The following DNAH1 variants were observed in gnomAD, a reference collection of about 807,000 sequenced individuals.
DNAH1 encodes the protein dynein axonemal heavy chain 1, also known as axonemal beta dynein heavy chain 1.
Under a neutral mutation model 484.3 loss-of-function variants are expected in DNAH1, and 327 were observed. The ratio of observed to expected loss-of-function variants is 0.68; its 90% confidence interval spans 0.62 to 0.74. The LOEUF (loss-of-function observed/expected upper bound fraction) is 0.74. Ranked by LOEUF, DNAH1 falls within the 30% of genes least tolerant of loss-of-function variation. The pLI, the probability that DNAH1 is intolerant of heterozygous loss-of-function variation, is 0.00. For synonymous variants in DNAH1, 2,192 were observed against 2,191.9 expected, an observed-to-expected ratio of 1.00 and a Z score of 0.00; for missense variants, 5,052 against 5,546.8, an observed-to-expected ratio of 0.91 and a Z score of 2.83.
At chr3:52,373,154 C>G (rs987539006) in intron 44 of DNAH1, 101 bp downstream of exon 44, 2 of 1,235,170 alleles carry the variant, frequency 1.6e-6, no homozygotes, top group Admixed American at 3.5e-5. Context: ...AAGGCACCCA[C>G]AAAAATGTTT....
rs61734654 is a variant in DNAH1, at chr3:52,346,604, C to T, written c.1789C>T (p.Arg597Cys). 2.7e-3 allele frequency: 4,344 copies of T among 1,614,044 alleles called. 111 individuals are homozygous for T. The African/African-American group carries it at 0.053, about 20-fold the overall frequency. The part of the protein sequence containing the change: ...NWEVYLMSKL[R>C]KLMELVKYML... ...GGAGGTGTACCTCATGTCCAAGCTG[C>T]GCAAGCTGATGGAGCTGGTGAAGTA... Residue 597 changes from arginine to cysteine, a missense_variant, in exon 11 of 78, where the codon CGC (arginine) becomes TGC (cysteine). Arg to Cys is a radical substitution (Grantham distance 180). This residue lies in a region of DNAH1 where 1,263 missense variants were observed against 1,218.8 expected (regional missense o/e 1.04). Coordinates refer to ENST00000420323, the MANE Select transcript of DNAH1 (RefSeq NM_015512.5).
At chr3:52,315,035 T>A (rs1055706066), upstream of DNAH1, among the ~76,000 whole-genome samples, 1 of 152,172 alleles carries the variant, frequency 6.6e-6, no homozygotes, top group Non-Finnish European at 1.5e-5. Context: ...TTTTCTCCAT[T>A]TTTATTCATC....
intron 75 of DNAH1, 37 bp downstream of exon 75, chr3:52,398,199 G>A: frequency 6.3e-7 from 1 of 1,577,514 alleles, no homozygotes. Context: ...CGAGTCAGCG[G>A]CCACTGGACT....
In DNAH1 at chr3:52,375,388, C is replaced by T. The variant is rs2153224917; in HGVS notation, c.7134C>T (p.Phe2378=). Residue 2378 remains phenylalanine (F), a synonymous_variant, in exon 45 of 78, where the codon TTC becomes TTT. Transcript: ENST00000420323. ...EMDEVSKKRI[F]STILGNWLDG... is the part of the protein sequence containing the mutation. ...ACGAGGTCAGCAAGAAACGCATCTT[C>T]TCCACCATCCTGGGCAACTGGTTGG... 1 of 1,613,612 alleles carries T rather than the reference C, an allele frequency of 6.2e-7. No individual in the cohort carries two copies. The highest frequency in any genetic ancestry group is 8.5e-7 in the Non-Finnish European group (1 of 1,179,778).
At position 52,396,430 on chromosome 3, in the gene DNAH1, C is replaced by G; in HGVS notation, c.11322C>G (p.Ile3774Met). Residue 3774 changes from isoleucine to methionine, a missense_variant, in exon 71 of 78, where the codon ATC (isoleucine) becomes ATG (methionine). Transcript: ENST00000420323. The stretch of plus-strand genomic sequence containing the variant: ...CCAGCAACAAGTTCCCAGTGTCCAT[C>G]CTGCAGAACGGCTCCAAGATGACCA... ...SLPSNKFPVSILQNGSKMTIE... is the reference protein window; with the variant it reads ...SLPSNKFPVSMLQNGSKMTIE... The G allele has an allele frequency of 6.3e-7, 1 of 1,592,404 alleles. No individual in the cohort carries two copies. The highest frequency in any genetic ancestry group is 8.5e-7 in the Non-Finnish European group (1 of 1,169,806).
chr3:52,353,248 T>A lies in DNAH1; in HGVS notation c.3173T>A (p.Val1058Asp). The change falls in exon 19 of 78, where the codon GTT becomes GAT. Residue 1058 changes from valine to aspartate, a missense_variant. Val to Asp is a radical substitution (Grantham distance 152). Around this residue, in one of 4 missense-constraint regions of DNAH1, gnomAD observed 2,929 missense variants for 3,409.4 expected, o/e 0.86. Transcript: ENST00000420323. This position sits in a 1 kb window ranked among gnomAD's most constrained non-coding sequence, Gnocchi z 5.0. ...GCTGAGCAGCTGGAGAAGAACGTGG[T>A]TGAAGCCTTCAAGACCATGCACAAG... ...IDAEQLEKNV[V>D]EAFKTMHKCV... is the part of the protein sequence containing the mutation. 1 of 1,613,968 alleles carries A rather than the reference T, an allele frequency of 6.2e-7. No homozygotes were observed. The highest frequency in any genetic ancestry group is 8.5e-7 in the Non-Finnish European group (1 of 1,179,896).
intron 55 of DNAH1, 118 bp from the exon 56 acceptor site, chr3:52,386,544 A>T (rs959472659): frequency 2.3e-6 from 3 of 1,296,774 alleles, no homozygotes; most frequent in African/African-American, 3.0e-5. Flanking sequence ...ATCTCTGGAT[A>T]TGCCCGTGTC....
intron 43 of DNAH1, 146 bp from the exon 44 acceptor site, chr3:52,372,750 G>A (rs964120308): frequency 2.8e-6 from 3 of 1,074,524 alleles, no homozygotes; most frequent in African/African-American, 1.6e-5. Flanking sequence ...GAACAAGGAT[G>A]AGGGTGGGTC....
intron 3 of DNAH1, among the ~76,000 whole-genome samples, chr3:52,324,618 A>G (rs1249566153): frequency 2.0e-5 from 3 of 151,720 alleles, no homozygotes; most frequent in African/African-American, 7.3e-5. Context: ...TGTCCACACC[A>G]GTCCTCTTGG....
At chr3:52,321,662 T>C (rs1308844639) in intron 1 of DNAH1, 1 of 152,206 alleles carries the variant, frequency 6.6e-6, no homozygotes, top group African/African-American at 2.4e-5. Context: ...TGGATGTGCA[T>C]GCACCCTGGC....
Position 52,379,817 on chromosome 3 carries a change from TG to T in DNAH1, c.7378-84del. On this transcript the variant is annotated intron_variant, in intron 47 of 77. Coordinates refer to ENST00000420323, the MANE Select transcript of DNAH1 (RefSeq NM_015512.5). This position sits in a 1 kb window ranked among gnomAD's most constrained non-coding sequence, Gnocchi z 4.4. ...AGGCTCCAGTCAGGGCCCCAGGAAC[TG>T]GGGCCCACCCTCCCTTGCCTGGTGG... The T allele has an allele frequency of 1.6e-6, 2 of 1,218,740 alleles. No homozygotes were observed. The highest frequency in any genetic ancestry group is 2.3e-6 in the Non-Finnish European group (2 of 882,502). The allele number at this position is 1,218,740 out of a possible 1,614,324, so 75.5% of individuals were successfully genotyped here.
chr3:52,358,847 C>T lies in DNAH1; in HGVS notation c.4266+110C>T. On this transcript the variant is annotated intron_variant, in intron 25 of 77. Coordinates refer to ENST00000420323, the MANE Select transcript of DNAH1 (RefSeq NM_015512.5). The surrounding 1 kb of genome is among the most constrained non-coding windows in gnomAD (Gnocchi z 4.2). ...TCCTCAGGCTGCAGCCCTGAGGTCC[C>T]TGGGGGCTCAGGCGGGATTCTGGAG... 2 of 1,332,916 alleles carry T rather than the reference C, an allele frequency of 1.5e-6. No individual in the cohort carries two copies. Among genetic ancestry groups the T allele is most frequent in the Non-Finnish European group, 2.1e-6 (2 of 967,440 alleles). 82.6% of individuals were successfully genotyped at this position (1,332,916 alleles called of 1,614,324 possible). A position where few individuals can be genotyped will look rare whatever the true frequency, so the allele number is the denominator to read the frequency against.
intron 8 of DNAH1, among the ~76,000 whole-genome samples, chr3:52,338,902 C>T (rs1425610972): frequency 6.7e-6 from 1 of 150,124 alleles, no homozygotes; most frequent in African/African-American, 2.4e-5. Context: ...GATGTGGTGG[C>T]AGGTGCCTGT....
chr3:52,396,145 G>A (rs1704613565), intron 70 of DNAH1, among the ~76,000 whole-genome samples: 1 of 152,104 alleles, frequency 6.6e-6, no homozygotes, highest in Admixed American at 6.5e-5. Context: ...ATGTTGGCCA[G>A]GCTGTTCTCA....
In DNAH1 at chr3:52,390,964, A is replaced by G; in HGVS notation, c.9651A>G (p.Ser3217=). ...CTGGCCTCCCCAACGACACACTGTCAGTGGAGAACGGGGTCATCAACCAGT... is the reference window on the plus strand; with the variant it reads ...CTGGCCTCCCCAACGACACACTGTCGGTGGAGAACGGGGTCATCAACCAGT... ...QIAGLPNDTL[S]VENGVINQFS... The change falls in exon 61 of 78, where the codon TCA becomes TCG. Residue 3217 remains serine, a synonymous_variant. Coordinates refer to ENST00000420323, the MANE Select transcript of DNAH1 (RefSeq NM_015512.5). 1 of 1,552,364 alleles carries G rather than the reference A, an allele frequency of 6.4e-7. No individual in the cohort carries two copies. Among genetic ancestry groups the G allele is most frequent in the Non-Finnish European group, 8.7e-7 (1 of 1,147,296 alleles).
rs1439161092 is a variant in DNAH1, at chr3:52,349,403, C to T, written c.2509C>T (p.His837Tyr). ...GCTGGACATCCTTGCCAAGAACCTG[C>T]ATAAGGAGGTGGATAGCGTAAGTGC... ...SVLDILAKNLHKEVDSICEEF... is the reference protein window; with the variant it reads ...SVLDILAKNLYKEVDSICEEF... Residue 837 changes from histidine to tyrosine, a missense_variant, in exon 14 of 78, where the codon CAT becomes TAT. By Grantham distance (83) the His-to-Tyr change is moderately conservative. This residue lies in a region of DNAH1 where 1,263 missense variants were observed against 1,218.8 expected (regional missense o/e 1.04). Transcript: ENST00000420323. 2 of 1,613,858 alleles carry T rather than the reference C, an allele frequency of 1.2e-6. No individual in the cohort carries two copies. The highest frequency in any genetic ancestry group is 3.3e-5 in the Admixed American group (2 of 60,032).
chr3:52,350,237 C>T, intron 15 of DNAH1, 129 bp downstream of exon 15: 1 of 1,356,182 alleles, frequency 7.4e-7, no homozygotes, highest in Middle Eastern at 2.5e-4. Context: ...GGACAGAGGA[C>T]AGATGGGGTT....
At position 52,388,818 on chromosome 3, in the gene DNAH1, C is replaced by T; in HGVS notation, c.9376C>T (p.Leu3126=). ...GCTGCCCCTCCAGCTCATCAACGGG[C>T]TGTCGGATGAGAAGGTGCGCTGGCA... ...LGRAGKLING[L]SDEKVRWQET... The change falls in exon 59 of 78, where the codon CTG becomes TTG. Residue 3126 remains leucine (L), a synonymous_variant. Coordinates refer to ENST00000420323, the MANE Select transcript of DNAH1 (RefSeq NM_015512.5). 1 of 1,613,580 alleles carries T rather than the reference C, an allele frequency of 6.2e-7. No homozygotes were observed. The highest frequency in any genetic ancestry group is 1.3e-5 in the African/African-American group (1 of 75,070).
chr3:52,386,550 G>A (rs879167860), intron 55 of DNAH1, 112 bp from the exon 56 acceptor site: 4 of 1,309,156 alleles, frequency 3.1e-6, no homozygotes, highest in South Asian at 3.1e-5. Context: ...GGATATGCCC[G>A]TGTCCTGTGG....
Sources: gnomAD v4.1 joint callset for allele counts (sites outside exome capture counted in the v4.1 genomes callset) on GRCh38, gnomAD v4.1.1 for gene constraint, gnomAD v4.1.1 regional missense constraint, Gnocchi (gnomAD v3.1) non-coding constraint, MANE v1.5 for transcripts, NCBI Gene and HGNC (gene_info 2026-07-23, HGNC 2026-07-21) for gene names.